Variants in XRCC5 observed in about 807,000 individuals in gnomAD.
XRCC5 encodes the protein DNA repair protein Ku80.
A neutral mutation model predicts 95.7 loss-of-function variants in XRCC5; 12 were observed. The observed-to-expected ratio is 0.13, with a 90% CI of 0.08 to 0.20. The LOEUF is 0.20. Ranked by LOEUF, XRCC5 falls within the 10% of genes least tolerant of loss-of-function variation. The pLI is 1.00. For synonymous variants in XRCC5, 281 were observed against 290.3 expected, an observed-to-expected ratio of 0.97 and a Z score of 0.33; for missense variants, 595 against 873.9, an observed-to-expected ratio of 0.68 and a Z score of 4.02.
At chr2:216,117,991 GGTGATTATTTC>G (rs1227409463) in intron 4 of XRCC5, among the ~76,000 whole-genome samples, 197 bp downstream of exon 4, 1 of 152,092 alleles carries the variant, frequency 6.6e-6, no homozygotes, top group African/African-American at 2.4e-5. Context: ...GGCTGTACTC[GGTGATTATTTC>G]TCTGGAAGAA....
intron 6 of XRCC5, among the ~76,000 whole-genome samples, chr2:216,125,608 G>A (rs1024926291): frequency 3.9e-5 from 6 of 152,176 alleles, no homozygotes; most frequent in African/African-American, 1.4e-4. Context: ...CCTCAAAGGT[G>A]TGCTGGTCCT....
chr2:216,200,320 TAAG>T (rs1395942682), intron 19 of XRCC5, among the ~76,000 whole-genome samples: 1 of 152,216 alleles, frequency 6.6e-6, no homozygotes, highest in African/African-American at 2.4e-5. Context: ...AGACAAAGGT[TAAG>T]AATCATTTCT....
chr2:216,159,520 C>T (rs1323526799), intron 14 of XRCC5, among the ~76,000 whole-genome samples: 1 of 151,990 alleles, frequency 6.6e-6, no homozygotes, highest in Non-Finnish European at 1.5e-5. Flanking sequence ...TTTACGACTT[C>T]TTTAAGAGGG....
chr2:216,167,003 G>A (rs563018238), intron 16 of XRCC5, among the ~76,000 whole-genome samples: 4 of 152,138 alleles, frequency 2.6e-5, no homozygotes, highest in Non-Finnish European at 5.9e-5. Flanking sequence ...TGTAGTTTCT[G>A]TATTAGGCTT....
chr2:216,141,686 G>A (rs759421136), intron 13 of XRCC5, among the ~76,000 whole-genome samples: 11 of 151,638 alleles, frequency 7.3e-5, no homozygotes, highest in Middle Eastern at 6.8e-3. Flanking sequence ...CACTCTTCCC[G>A]CCTCAGTCTC....
intron 16 of XRCC5, among the ~76,000 whole-genome samples, chr2:216,166,147 G>A (rs2106030167): frequency 6.6e-6 from 1 of 152,006 alleles, no homozygotes; most frequent in Non-Finnish European, 1.5e-5. Context: ...TTGTGAAGGG[G>A]TCTCAGTCTG....
chr2:216,178,362 T>C (rs1689317415), intron 16 of XRCC5, among the ~76,000 whole-genome samples: 1 of 152,244 alleles, frequency 6.6e-6, no homozygotes, highest in Non-Finnish European at 1.5e-5. Flanking sequence ...TTTGAAACTC[T>C]GCCCATACCC....
At chr2:216,199,937 AT>A (rs1242513366) in intron 19 of XRCC5, among the ~76,000 whole-genome samples, 1 of 150,448 alleles carries the variant, frequency 6.6e-6, no homozygotes, top group Non-Finnish European at 1.5e-5. Flanking sequence ...TAACTGCCTA[AT>A]TTATCCTTCT....
At chr2:216,120,005 T>G (rs1696776783) in intron 5 of XRCC5, among the ~76,000 whole-genome samples, 1 of 152,258 alleles carries the variant, frequency 6.6e-6, no homozygotes, top group Non-Finnish European at 1.5e-5. Context: ...GTTAGAGTGG[T>G]AAGCCTTTGG....
At chr2:216,148,354 C>T (rs1424061016) in intron 14 of XRCC5, 78 bp downstream of exon 14, 11 of 1,330,370 alleles carry the variant, frequency 8.3e-6, no homozygotes, top group African/African-American at 1.5e-5. Context: ...CTGGAAGTGT[C>T]ACATAGGGGT....
chr2:216,123,181 T>G (rs1232896741), intron 6 of XRCC5, among the ~76,000 whole-genome samples: 1 of 152,252 alleles, frequency 6.6e-6, no homozygotes, highest in African/African-American at 2.4e-5. Context: ...AAGTAGTGAT[T>G]GAACAACTAG....
At chr2:216,165,580 G>A (rs111814690) in intron 16 of XRCC5, among the ~76,000 whole-genome samples, 1,718 of 152,198 alleles carry the variant, frequency 0.011, 38 homozygotes, top group African/African-American at 0.039. Context: ...TTTTACTAAC[G>A]CCCTTTATAA....
intron 16 of XRCC5, among the ~76,000 whole-genome samples, chr2:216,185,413 T>A (rs1014561361): frequency 6.6e-6 from 1 of 152,238 alleles, no homozygotes; most frequent in Non-Finnish European, 1.5e-5. Flanking sequence ...TAAAACAGAC[T>A]TTCTTATCAG....
intron 10 of XRCC5, among the ~76,000 whole-genome samples, chr2:216,134,285 T>C (rs553349333): frequency 6.6e-6 from 1 of 152,358 alleles, no homozygotes; most frequent in East Asian, 1.9e-4. Context: ...TATACTTTCA[T>C]GTGCTGATTT....
At chr2:216,129,937 A>G (rs1696955442) in intron 8 of XRCC5, among the ~76,000 whole-genome samples, 1 of 152,126 alleles carries the variant, frequency 6.6e-6, no homozygotes. Flanking sequence ...CGGCCTCCCC[A>G]AGTGCTAGGA....
chr2:216,141,510 AAAAT>A (rs1263280692), intron 13 of XRCC5, among the ~76,000 whole-genome samples, 191 bp downstream of exon 13: 2 of 151,584 alleles, frequency 1.3e-5, no homozygotes, highest in Non-Finnish European at 2.9e-5. Context: ...CTTAAAAAGA[AAAAT>A]AAAGTTGGAA....
chr2:216,204,523 C>G (rs1471150235), intron 20 of XRCC5, 127 bp downstream of exon 20: 1 of 901,280 alleles, frequency 1.1e-6, no homozygotes, highest in Non-Finnish European at 1.8e-6. Flanking sequence ...ACACCAGAAG[C>G]TTCCTACACC....
At chr2:216,204,902 T>C (rs1399084064) in intron 20 of XRCC5, among the ~76,000 whole-genome samples, 1 of 152,244 alleles carries the variant, frequency 6.6e-6, no homozygotes, top group Non-Finnish European at 1.5e-5. Context: ...AAATGTCTTT[T>C]GTATCTATCC....
At chr2:216,159,450 C>T (rs10204492) in intron 14 of XRCC5, among the ~76,000 whole-genome samples, 1 of 152,030 alleles carries the variant, frequency 6.6e-6, no homozygotes, top group Admixed American at 6.6e-5. Context: ...TTGCACAAAA[C>T]AGAATTAGGT....
Sources: gnomAD v4.1 joint callset for allele counts (sites outside exome capture counted in the v4.1 genomes callset) on GRCh38, gnomAD v4.1.1 for gene constraint, MANE v1.5 for transcripts, NCBI Gene and HGNC (gene_info 2026-07-23, HGNC 2026-07-21) for gene names.